CNDP1: variants seen among roughly 807,000 people sequenced by gnomAD.
CNDP1 encodes carnosine dipeptidase 1, also known as beta-Ala-His dipeptidase.
CNDP1 carries 44 observed loss-of-function variants against 58.1 expected under a neutral mutation model. The observed-to-expected ratio is 0.76, with a 90% CI of 0.60 to 0.97. The LOEUF is 0.97. Ranked by LOEUF, CNDP1 falls within the 50% of genes least tolerant of loss-of-function variation. CNDP1 has a pLI of 0.00. For missense variants in CNDP1, 616 were observed against 655.1 expected, an observed-to-expected ratio of 0.94 and a Z score of 0.65; for synonymous variants, 254 against 252.6, an observed-to-expected ratio of 1.01 and a Z score of -0.05.
At chr18:74,573,254 A>G (rs1981535091) in intron 7 of CNDP1, among the ~76,000 whole-genome samples, 1 of 151,470 alleles carries the variant, frequency 6.6e-6, no homozygotes, top group Non-Finnish European at 1.5e-5. Flanking sequence ...CTATCCATCC[A>G]TTATCTATCC....
At chr18:74,571,412 A>G (rs1981476779) in intron 7 of CNDP1, 142 bp downstream of exon 7, 2 of 607,260 alleles carry the variant, frequency 3.3e-6, no homozygotes, top group African/African-American at 1.9e-5. Flanking sequence ...CCCTTGGCAA[A>G]CTGTTCCCTC....
rs549935270 is a variant in CNDP1, at chr18:74,559,872, A to G, written c.303+400A>G. Among the ~76,000 whole-genome samples, 7 of 152,234 alleles carry G rather than the reference A, an allele frequency of 4.6e-5. No homozygotes were observed. In the South Asian group the frequency reaches 1.5e-3, roughly 32 times the overall value. ...GAGCTGCATTTTTTTCATCAGAACC[A>G]TCTCTTAGAACTCTACTCCATCATG... On this transcript the variant is annotated intron_variant, in intron 3 of 11. Coordinates refer to ENST00000358821, the MANE Select transcript of CNDP1 (RefSeq NM_032649.6).
At chr18:74,542,919 G>T (rs1287882353) in intron 1 of CNDP1, among the ~76,000 whole-genome samples, 1 of 152,224 alleles carries the variant, frequency 6.6e-6, no homozygotes, top group African/African-American at 2.4e-5. Context: ...TGCATTTTAG[G>T]CAGAACTCAT....
At chr18:74,561,945 G>C in intron 4 of CNDP1, 102 bp from the exon 5 acceptor site, 1 of 888,348 alleles carries the variant, frequency 1.1e-6, no homozygotes, top group Admixed American at 2.1e-5. Context: ...TATTATTATA[G>C]AAAGCACTGT....
rs1981876500 is a variant in CNDP1, at chr18:74,584,982, T to C, written c.*420T>C. 6.2e-6 allele frequency: 1 copy of C among 160,706 alleles called. No individual in the cohort carries two copies. The highest frequency in any genetic ancestry group is 1.8e-4 in the South Asian group (1 of 5,496). 10.0% of individuals were successfully genotyped at this position (160,706 alleles called of 1,614,324 possible). ...CGCCTTTGCTTTACCACTCTTTCCT[T>C]TTATCTTATTAATAAAAATGTTGGT... On this transcript the variant is annotated 3_prime_UTR_variant, in exon 12 of 12. Transcript: ENST00000358821.
At chr18:74,565,648 G>T (rs1388762721) in intron 5 of CNDP1, among the ~76,000 whole-genome samples, 1 of 152,142 alleles carries the variant, frequency 6.6e-6, no homozygotes, top group African/African-American at 2.4e-5. Flanking sequence ...TGCTAGAGGT[G>T]GGTTCCCATG....
intron 7 of CNDP1, chr18:74,576,588 C>T: frequency 2.8e-6 from 1 of 353,572 alleles, no homozygotes; most frequent in Non-Finnish European, 5.1e-6. Flanking sequence ...AGGTAACTCA[C>T]TCCGACCTCA....
At chr18:74,550,488 A>G (rs1461332605) in intron 1 of CNDP1, among the ~76,000 whole-genome samples, 4 of 152,092 alleles carry the variant, frequency 2.6e-5, no homozygotes. Flanking sequence ...GGTGAGAGGA[A>G]CTCATCTCCA....
At chr18:74,569,573 T>C (rs945566313) in intron 6 of CNDP1, among the ~76,000 whole-genome samples, 3 of 152,104 alleles carry the variant, frequency 2.0e-5, no homozygotes, top group Admixed American at 6.5e-5. Context: ...ATGGTTGTAT[T>C]AATAGCATCT....
At position 74,545,005 on chromosome 18, in the gene CNDP1, C is replaced by T. The variant is rs780973409; in HGVS notation, c.24+10314C>T. 2.4e-4 allele frequency among the ~76,000 whole-genome samples: 37 copies of T among 152,140 alleles called. No homozygotes were observed. The highest frequency in any genetic ancestry group is 4.6e-4 in the Admixed American group (7 of 15,284). On this transcript the variant is annotated intron_variant, in intron 1 of 11. Coordinates refer to ENST00000358821, the MANE Select transcript of CNDP1 (RefSeq NM_032649.6). This position sits in a 1 kb window ranked among gnomAD's most constrained non-coding sequence, Gnocchi z 4.1. ...CACGGAGGCAGAGACTGGAAGGACA[C>T]AGTCACAGCAAAGGACTGCTGCCAA...
At chr18:74,539,693 C>T (rs561918635) in intron 1 of CNDP1, among the ~76,000 whole-genome samples, 4 of 152,350 alleles carry the variant, frequency 2.6e-5, no homozygotes, top group African/African-American at 7.2e-5. Flanking sequence ...CAGGTTGGCC[C>T]AGGACACTGC....
In CNDP1 at chr18:74,585,920, G is replaced by A. The variant is rs1326245372; in HGVS notation, c.*1358G>A. 7.0e-6 allele frequency: 1 copy of A among 143,854 alleles called. No homozygotes were observed. Among genetic ancestry groups the A allele is most frequent in the Non-Finnish European group, 1.5e-5 (1 of 66,996 alleles). The allele number at this position is 143,854 out of a possible 1,614,324, so 8.9% of individuals were successfully genotyped here. Reference sequence around the variant, plus strand: ...GAGGCAGGAGAATCGCTTGAACCCAGGAGGCGGAAGTTGCAGTGAACTGGG... The same window carrying A: ...GAGGCAGGAGAATCGCTTGAACCCAAGAGGCGGAAGTTGCAGTGAACTGGG... On this transcript the variant is annotated 3_prime_UTR_variant, in exon 12 of 12. Coordinates refer to ENST00000358821, the MANE Select transcript of CNDP1 (RefSeq NM_032649.6).
In CNDP1 at chr18:74,585,823, T is replaced by G. The variant is rs1297370738; in HGVS notation, c.*1261T>G. On this transcript the variant is annotated 3_prime_UTR_variant, in exon 12 of 12. Transcript: ENST00000358821. ...CAGCCTGGCTAACATGGTGAAACCCTGTCTCTACTGAATATACAAAATTAA... is the reference window on the plus strand; with the variant it reads ...CAGCCTGGCTAACATGGTGAAACCCGGTCTCTACTGAATATACAAAATTAA... 2 of 151,058 alleles carry G rather than the reference T, an allele frequency of 1.3e-5. No homozygotes were observed. The highest frequency in any genetic ancestry group is 1.3e-4 in the Admixed American group (2 of 15,180). The allele number at this position is 151,058 out of a possible 1,614,324, so 9.4% of individuals were successfully genotyped here.
intron 2 of CNDP1, 99 bp from the exon 3 acceptor site, chr18:74,559,224 A>G: frequency 8.3e-7 from 1 of 1,211,238 alleles, no homozygotes; most frequent in Non-Finnish European, 1.2e-6. Flanking sequence ...ATCAACAGAA[A>G]AGTACCTGGG....
intron 7 of CNDP1, among the ~76,000 whole-genome samples, chr18:74,575,497 T>A (rs1271956240): frequency 6.6e-6 from 1 of 152,216 alleles, no homozygotes; most frequent in African/African-American, 2.4e-5. Flanking sequence ...CATTTTGCCT[T>A]TGATACGTAT....
Position 74,548,822 on chromosome 18 carries a change from C to A in CNDP1, c.25-7516C>A, listed in dbSNP as rs116637943. 9.0e-3 allele frequency among the ~76,000 whole-genome samples: 1,364 copies of A among 152,312 alleles called. 21 individuals are homozygous for A. The highest frequency in any genetic ancestry group is 0.031 in the African/African-American group (1,282 of 41,556). On this transcript the variant is annotated intron_variant, in intron 1 of 11. Transcript: ENST00000358821. ...TGGAAAAACTGATTGGGAACTGGAG[C>A]AAAGCTCACCCATGTTATGCCTTAG...
intron 7 of CNDP1, chr18:74,576,591 C>T (rs374571909): frequency 1.1e-5 from 4 of 355,980 alleles, no homozygotes; most frequent in African/African-American, 6.3e-5. Context: ...TAACTCACTC[C>T]GACCTCATTT....
At chr18:74,542,471 C>T (rs959164445) in intron 1 of CNDP1, among the ~76,000 whole-genome samples, 5 of 152,186 alleles carry the variant, frequency 3.3e-5, no homozygotes, top group Admixed American at 6.5e-5. Flanking sequence ...GCTGTAGGGA[C>T]ATTACGTCCC....
At position 74,534,672 on chromosome 18, in the gene CNDP1, A is replaced by G. The variant is rs546809223; in HGVS notation, c.5A>G (p.Asp2Gly). Residue 2 changes from aspartate to glycine, a missense_variant, in exon 1 of 12, where the codon GAT (aspartate) becomes GGT (glycine). By Grantham distance (94) the Asp-to-Gly change is moderately conservative. Transcript: ENST00000358821. ...AGGCTTCAGAACTCCAGCCTAATGG[A>G]TCCCAAACTCGGGAGAATGGTGAGT... Reference protein sequence around the residue: MDPKLGRMAASL... With the variant: MGPKLGRMAASL... The G allele has an allele frequency of 3.1e-6, 5 of 1,614,120 alleles. No individual in the cohort carries two copies. Among genetic ancestry groups the G allele is most frequent in the Non-Finnish European group, 4.2e-6 (5 of 1,180,016 alleles).
Sources: allele counts gnomAD v4.1 joint callset (sites outside exome capture counted in the v4.1 genomes callset), GRCh38; gene constraint gnomAD v4.1.1; non-coding constraint Gnocchi (gnomAD v3.1); transcripts MANE v1.5; gene names NCBI Gene and HGNC (gene_info 2026-07-23, HGNC 2026-07-21).